USP31: variants seen among roughly 807,000 people sequenced by gnomAD.
USP31 encodes the protein ubiquitin carboxyl-terminal hydrolase 31.
In USP31, 44 loss-of-function variants were observed where a neutral mutation model predicts 119.4. The observed-to-expected ratio is 0.37, with a 90% CI of 0.29 to 0.47. USP31 has a LOEUF of 0.47. Ranked by LOEUF, USP31 falls within the 20% of genes least tolerant of loss-of-function variation. The probability of loss-of-function intolerance (pLI) is 0.99; values close to 1 mark genes in which losing one functional copy is unlikely to be tolerated. For missense variants in USP31, 1,643 were observed against 1,730.2 expected (o/e 0.95, Z 0.89); for synonymous variants, 749 against 705.6 (o/e 1.06, Z -0.97).
rs1900259616 is a variant in USP31 at position 23,069,519 on chromosome 16, G to C, written c.2586C>G (p.Cys862Trp). The C allele has an allele frequency of 6.2e-7, 1 of 1,614,200 alleles. No individual in the cohort carries two copies. The highest frequency in any genetic ancestry group is 8.5e-7 in the Non-Finnish European group (1 of 1,180,018). Residue 862 changes from cysteine to tryptophan, a missense_variant, in exon 16 of 16, where the codon TGC becomes TGG. By Grantham distance (215) the Cys-to-Trp change is radical (BLOSUM62 -2). This residue lies in a region of USP31 where 699 missense variants were observed against 650.9 expected (regional missense o/e 1.07). Coordinates refer to ENST00000219689, the MANE Select transcript of USP31 (RefSeq NM_020718.4). ...CAGACAGGGACCATGAAGGTCTCAT[G>C]CAATTTTCATTGACGGCCAAGGGGC... ...VTSPLAVNEN[C>W]MRPSWSLSAK...
chr16:23,131,341 T>A (rs990864664), intron 1 of USP31, among the ~76,000 whole-genome samples: 1 of 152,166 alleles, frequency 6.6e-6, no homozygotes, highest in Non-Finnish European at 1.5e-5. Context: ...TTTAGTTTTG[T>A]AGACACAGGA....
intron 1 of USP31, among the ~76,000 whole-genome samples, chr16:23,114,783 C>T (rs1292158318): frequency 6.6e-6 from 1 of 152,106 alleles, no homozygotes; most frequent in African/African-American, 2.4e-5. Flanking sequence ...TGGGTCAACC[C>T]CACCCTAAAT....
chr16:23,100,639 G>A (rs1307762072), intron 6 of USP31, among the ~76,000 whole-genome samples: 1 of 152,120 alleles, frequency 6.6e-6, no homozygotes, highest in Non-Finnish European at 1.5e-5. Flanking sequence ...CAGGTGTGGT[G>A]GCATGCGCCT....
At chr16:23,102,809 T>A (rs1007119292) in intron 5 of USP31, among the ~76,000 whole-genome samples, 1 of 152,232 alleles carries the variant, frequency 6.6e-6, no homozygotes. Flanking sequence ...GCATAACAAC[T>A]ATTTACATAA....
In USP31 at chr16:23,069,460, C is replaced by T. The variant is rs769112315; in HGVS notation, c.2645G>A (p.Arg882Gln). 6.2e-6 allele frequency: 10 copies of T among 1,614,048 alleles called. No homozygotes were observed. Among genetic ancestry groups the T allele is most frequent in the South Asian group, 1.1e-5 (1 of 91,082 alleles). The change falls in exon 16 of 16, where the codon CGA becomes CAA. Residue 882 changes from arginine to glutamine, a missense_variant. Arg to Gln is a conservative substitution (Grantham distance 43). Around this residue, in one of 5 missense-constraint regions of USP31, gnomAD observed 699 missense variants for 650.9 expected, o/e 1.07. Coordinates refer to ENST00000219689, the MANE Select transcript of USP31 (RefSeq NM_020718.4). ...KLQMRSNSPS[R>Q]FSGDSPIHSS... Reference sequence around the variant, plus strand: ...GTGAATTGGCGAATCCCCTGAAAATCGGGATGGAGAATTGGAGCGCATCTG... The same window carrying T: ...GTGAATTGGCGAATCCCCTGAAAATTGGGATGGAGAATTGGAGCGCATCTG...
chr16:23,114,782 C>T (rs1425698604), intron 1 of USP31, among the ~76,000 whole-genome samples: 1 of 152,110 alleles, frequency 6.6e-6, no homozygotes, highest in African/African-American at 2.4e-5. Context: ...CTGGGTCAAC[C>T]CCACCCTAAA....
At chr16:23,094,763 C>T (rs117902450) in intron 6 of USP31, among the ~76,000 whole-genome samples, 3,228 of 152,190 alleles carry the variant, frequency 0.021, 57 homozygotes, top group Middle Eastern at 0.048. Flanking sequence ...AGCTGAGGGA[C>T]CTGATCATTA....
chr16:23,149,149 G>A lies in USP31; in HGVS notation c.122C>T (p.Pro41Leu). ...GRAGGGGAGG[P>L]GASGPAAPSS... ...AGGCGCGGCCGGCCCGGACGCCCCG[G>A]GGCCCCCCGCGCCGCCGCCGCCAGC... Residue 41 changes from proline (P) to leucine (L), a missense_variant, in exon 1 of 16, where the codon CCC (proline) becomes CTC (leucine). Pro to Leu is a moderately conservative substitution (Grantham distance 98). Around this residue, in one of 5 missense-constraint regions of USP31, gnomAD observed 302 missense variants for 262.6 expected, o/e 1.15. Coordinates refer to ENST00000219689, the MANE Select transcript of USP31 (RefSeq NM_020718.4). 2 of 1,187,798 alleles carry A rather than the reference G, an allele frequency of 1.7e-6. No homozygotes were observed. Among genetic ancestry groups the A allele is most frequent in the Non-Finnish European group, 2.1e-6 (2 of 952,408 alleles). The allele number at this position is 1,187,798 out of a possible 1,614,324, so 73.6% of individuals were successfully genotyped here. A position where few individuals can be genotyped will look rare whatever the true frequency, so the allele number is the denominator to read the frequency against.
At chr16:23,107,803 C>G (rs951945403) in intron 2 of USP31, among the ~76,000 whole-genome samples, 1 of 152,208 alleles carries the variant, frequency 6.6e-6, no homozygotes, top group African/African-American at 2.4e-5. Context: ...TGAAGCTCAT[C>G]ATACATGCAA....
At chr16:23,113,627 C>G (rs898136737) in intron 1 of USP31, among the ~76,000 whole-genome samples, 1 of 152,140 alleles carries the variant, frequency 6.6e-6, no homozygotes, top group African/African-American at 2.4e-5. Flanking sequence ...GAATATTTAT[C>G]AGAGAGGGTT....
At chr16:23,069,758 G>C in intron 15 of USP31, 142 bp from the exon 16 acceptor site, 4 of 1,140,664 alleles carry the variant, frequency 3.5e-6, no homozygotes, top group Non-Finnish European at 4.8e-6. Flanking sequence ...CTGGGATCAA[G>C]GAGTCCCTGT....
chr16:23,073,986 T>A, intron 13 of USP31, 106 bp from the exon 14 acceptor site: 1 of 1,496,336 alleles, frequency 6.7e-7, no homozygotes, highest in Non-Finnish European at 9.2e-7. Context: ...CAAGAACGTT[T>A]TAAGGCTGCG....
In USP31 at chr16:23,069,411, C is replaced by A. The variant is rs749320998; in HGVS notation, c.2694G>T (p.Lys898Asn). 3.1e-6 allele frequency: 5 copies of A among 1,613,326 alleles called. 1 individual carries two copies. In the South Asian group the frequency reaches 3.3e-5, roughly 11 times the overall value. The change falls in exon 16 of 16, where the codon AAG becomes AAT. Residue 898 changes from lysine to asparagine, a missense_variant. Lys to Asn is a moderately conservative substitution (Grantham distance 94, BLOSUM62 0). This residue lies in a region of USP31 where 699 missense variants were observed against 650.9 expected (regional missense o/e 1.07). Transcript: ENST00000219689. ...CCTTGTCATCTGCTGCCTCCCCAAT[C>A]TTCTCCAAGGTGGAAGCAGAGCTGT... is the stretch of plus-strand genomic sequence containing the variant. ...PIHSSASTLEKIGEAADDKVS... is the reference protein window; with the variant it reads ...PIHSSASTLENIGEAADDKVS...
At position 23,068,772 on chromosome 16, in the gene USP31, C is replaced by T. The variant is rs762433018; in HGVS notation, c.3333G>A (p.Ser1111=). Reference sequence around the variant, plus strand: ...CCGAGGCTGACTTCTGCTTCTGTGGCGAAGGAGATGACACGGAGTCCTGAG... The same window carrying T: ...CCGAGGCTGACTTCTGCTTCTGTGGTGAAGGAGATGACACGGAGTCCTGAG... ...PKSQDSVSSP[S]PQKQKSASAL... The change falls in exon 16 of 16, where the codon TCG becomes TCA. Residue 1111 remains serine, a synonymous_variant. Coordinates refer to ENST00000219689, the MANE Select transcript of USP31 (RefSeq NM_020718.4). 10 of 1,576,864 alleles carry T rather than the reference C, an allele frequency of 6.3e-6. No homozygotes were observed. Among genetic ancestry groups the T allele is most frequent in the Middle Eastern group, 1.7e-4 (1 of 5,882 alleles).
At chr16:23,086,897 A>G (rs1196437535) in intron 9 of USP31, among the ~76,000 whole-genome samples, 195 bp downstream of exon 9, 1 of 152,186 alleles carries the variant, frequency 6.6e-6, no homozygotes, top group Non-Finnish European at 1.5e-5. Context: ...CAAGTCCTCC[A>G]GGGCTTTTCT....
chr16:23,109,078 A>G (rs900947472), intron 1 of USP31, among the ~76,000 whole-genome samples: 17 of 152,234 alleles, frequency 1.1e-4, no homozygotes, highest in African/African-American at 2.9e-4. Context: ...AGGGAAGGCA[A>G]TGAATCAGCT....
intron 5 of USP31, 147 bp downstream of exon 5, chr16:23,105,294 G>C: frequency 1.1e-6 from 1 of 947,712 alleles, no homozygotes. Context: ...AGTCTTTGGG[G>C]CCTTGATTTT....
At chr16:23,073,356 T>G (rs188529538) in intron 14 of USP31, among the ~76,000 whole-genome samples, 1 of 152,196 alleles carries the variant, frequency 6.6e-6, no homozygotes, top group Non-Finnish European at 1.5e-5. Context: ...TTATTACACC[T>G]GTATTATAGA....
In USP31 at chr16:23,066,377, A is replaced by G. The variant is rs1900070238; in HGVS notation, c.*1669T>C. On this transcript the variant is annotated 3_prime_UTR_variant, in exon 16 of 16. Transcript: ENST00000219689. ...GCAGCAAAATAAAGTTAAGTAACGT[A>G]CTAAAAACTTTTCCCAAGAGATATT... The G allele has an allele frequency of 6.6e-6, 1 of 152,608 alleles. No homozygotes were observed. The highest frequency in any genetic ancestry group is 2.1e-4 in the South Asian group (1 of 4,830). 9.5% of individuals were successfully genotyped at this position (152,608 alleles called of 1,614,324 possible). A position where few individuals can be genotyped will look rare whatever the true frequency, so the allele number is the denominator to read the frequency against.
Sources: allele counts gnomAD v4.1 joint callset (sites outside exome capture counted in the v4.1 genomes callset), GRCh38; gene constraint gnomAD v4.1.1; regional missense constraint gnomAD v4.1.1; transcripts MANE v1.5; gene names NCBI Gene and HGNC (gene_info 2026-07-23, HGNC 2026-07-21).